PROM1: variants seen among roughly 807,000 people sequenced by gnomAD.
PROM1 encodes the protein prominin-1.
A neutral mutation model predicts 116.9 loss-of-function variants in PROM1; 105 were observed. That is an observed-to-expected ratio of 0.90 (90% CI 0.77 to 1.06). PROM1 has a LOEUF of 1.06. Ranked by LOEUF, PROM1 falls within the 50% of genes least tolerant of loss-of-function variation. The pLI is 0.00. For synonymous variants in PROM1, 393 were observed against 387.0 expected (o/e 1.02, Z -0.18); for missense variants, 1,122 against 1,045.2 (o/e 1.07, Z -1.01).
At chr4:16,027,133 C>G (rs1731496474) in intron 5 of PROM1, among the ~76,000 whole-genome samples, 1 of 152,114 alleles carries the variant, frequency 6.6e-6, no homozygotes, top group South Asian at 2.1e-4. Context: ...TAAATATTAA[C>G]AATATTCTGT....
chr4:16,033,230 G>A, intron 5 of PROM1, 74 bp downstream of exon 5: 1 of 1,337,410 alleles, frequency 7.5e-7, no homozygotes, highest in Non-Finnish European at 1.0e-6. Context: ...TAAACTCATG[G>A]TTTAACCATA....
At chr4:16,070,506 T>G (rs939038718) in intron 2 of PROM1, among the ~76,000 whole-genome samples, 21 of 152,224 alleles carry the variant, frequency 1.4e-4, no homozygotes, top group African/African-American at 4.6e-4. Flanking sequence ...GTTAGCATGA[T>G]TGAGTCCATT....
intron 19 of PROM1, among the ~76,000 whole-genome samples, chr4:15,988,502 G>A (rs536743248): frequency 1.6e-4 from 24 of 152,312 alleles, no homozygotes; most frequent in African/African-American, 5.8e-4. Flanking sequence ...ATGAGTGGGT[G>A]TGGCCATATT....
intron 3 of PROM1, among the ~76,000 whole-genome samples, chr4:16,036,042 G>C (rs921574063): frequency 3.3e-5 from 5 of 152,200 alleles, no homozygotes; most frequent in African/African-American, 1.2e-4. Flanking sequence ...TTACGCAAAG[G>C]AGAATTAGAG....
chr4:16,038,230 C>T (rs1240526735), intron 3 of PROM1, among the ~76,000 whole-genome samples: 4 of 152,172 alleles, frequency 2.6e-5, no homozygotes, highest in Non-Finnish European at 4.4e-5. Flanking sequence ...GCTTCATAAA[C>T]CTTATACAAA....
chr4:16,016,196 A>G lies in PROM1; in HGVS notation c.1047T>C (p.Leu349=), dbSNP rs2149291357. The G allele has an allele frequency of 4.5e-6, 7 of 1,555,174 alleles. No homozygotes were observed. The highest frequency in any genetic ancestry group is 6.1e-6 in the Non-Finnish European group (7 of 1,148,576). The part of the protein sequence containing the change: ...DAELDNVNNV[L]RTDLDGLVQQ... ...GGACCAGGCCATCCAAATCTGTCCT[A>G]AGAACGTTATTAACGTTGTCAAGTT... The change falls in exon 10 of 28, where the codon CTT becomes CTC. Residue 349 remains leucine (L), a synonymous_variant. Transcript: ENST00000447510.
intron 3 of PROM1, among the ~76,000 whole-genome samples, chr4:16,036,915 G>T (rs75159942): frequency 0.014 from 2,112 of 152,258 alleles, 55 homozygotes; most frequent in African/African-American, 0.048. Flanking sequence ...ATTCATGTGG[G>T]CTCAGTTCTG....
chr4:16,077,698 A>C (rs1419190028), intron 1 of PROM1, among the ~76,000 whole-genome samples: 1 of 152,190 alleles, frequency 6.6e-6, no homozygotes, highest in Non-Finnish European at 1.5e-5. Flanking sequence ...TAACTATGAC[A>C]TCAAGACACT....
intron 2 of PROM1, among the ~76,000 whole-genome samples, chr4:16,069,868 T>C (rs1742406932): frequency 6.6e-6 from 1 of 152,194 alleles, no homozygotes; most frequent in African/African-American, 2.4e-5. Context: ...AGGAAAGTGA[T>C]ATGCAGAAAA....
At chr4:15,970,535 A>T (rs1246091607) in intron 27 of PROM1, among the ~76,000 whole-genome samples, 4 of 151,872 alleles carry the variant, frequency 2.6e-5, no homozygotes, top group Non-Finnish European at 4.4e-5. Context: ...TTTAATATAC[A>T]CCCACATACT....
chr4:16,065,869 G>C (rs1416310131), intron 2 of PROM1, among the ~76,000 whole-genome samples: 1 of 152,160 alleles, frequency 6.6e-6, no homozygotes, highest in Admixed American at 6.5e-5. Context: ...CTGGAAAAAA[G>C]TTCTTTGCAG....
At chr4:16,023,561 T>G (rs1730456846) in intron 7 of PROM1, 146 bp from the exon 8 acceptor site, 2 of 619,274 alleles carry the variant, frequency 3.2e-6, no homozygotes, top group Non-Finnish European at 5.6e-6. Context: ...AACTCGTGTA[T>G]GGAGATTTCT....
chr4:15,974,706 A>G (rs1715649730), intron 26 of PROM1, among the ~76,000 whole-genome samples: 1 of 152,148 alleles, frequency 6.6e-6, no homozygotes, highest in Non-Finnish European at 1.5e-5. Context: ...CCTGGGCTCA[A>G]GTGATCCTCT....
At chr4:16,043,745 G>C (rs1475610452) in intron 2 of PROM1, among the ~76,000 whole-genome samples, 1 of 152,158 alleles carries the variant, frequency 6.6e-6, no homozygotes, top group Non-Finnish European at 1.5e-5. Flanking sequence ...GAGCACACAG[G>C]TTGCCCCATG....
At chr4:16,014,743 C>G (rs1334088457) in intron 10 of PROM1, among the ~76,000 whole-genome samples, 2 of 152,208 alleles carry the variant, frequency 1.3e-5, no homozygotes, top group Non-Finnish European at 2.9e-5. Context: ...AAGAATAAAA[C>G]TATTCTCTCA....
intron 23 of PROM1, among the ~76,000 whole-genome samples, chr4:15,981,299 G>A (rs1043593918): frequency 3.3e-5 from 5 of 150,934 alleles, no homozygotes; most frequent in Admixed American, 6.6e-5. Flanking sequence ...AGCCAGGTGC[G>A]GTGGCTCATT....
chr4:15,971,772 G>C (rs1386369108), intron 26 of PROM1: 1 of 152,294 alleles, frequency 6.6e-6, no homozygotes, highest in Non-Finnish European at 1.5e-5. Context: ...TGCTGCATCA[G>C]ACACATGAGG....
rs116342293 is a variant in PROM1 at position 16,053,088 on chromosome 4, G to A, written c.221-14087C>T. On this transcript the variant is annotated intron_variant, in intron 2 of 27. Transcript: ENST00000447510. ...GGAGACAAAAGTGTCATAACAATGC[G>A]AAATGTCCTGCATGTCATATTTGCA... Among the ~76,000 whole-genome samples the A allele has an allele frequency of 1.8e-3, 274 of 152,284 alleles. 1 individual carries two copies. Among genetic ancestry groups the A allele is most frequent in the African/African-American group, 6.3e-3 (261 of 41,556 alleles).
chr4:16,055,596 G>A (rs763648148), intron 2 of PROM1: 6 of 327,638 alleles, frequency 1.8e-5, no homozygotes, highest in African/African-American at 4.3e-5. Context: ...AGGCTGTCAC[G>A]GAATCAATAA....
Sources: gnomAD v4.1 joint callset for allele counts (sites outside exome capture counted in the v4.1 genomes callset) on GRCh38, gnomAD v4.1.1 for gene constraint, MANE v1.5 for transcripts, NCBI Gene and HGNC (gene_info 2026-07-23, HGNC 2026-07-21) for gene names.